ZNF560: variants seen among roughly 807,000 people sequenced by gnomAD.
ZNF560 encodes the protein zinc finger protein 560.
Under a neutral mutation model 81.8 loss-of-function variants are expected in ZNF560, and 54 were observed. The observed-to-expected ratio is 0.66, with a 90% CI of 0.53 to 0.83. The LOEUF (loss-of-function observed/expected upper bound fraction) is 0.83. Ranked by LOEUF, ZNF560 falls within the 40% of genes least tolerant of loss-of-function variation. The probability of loss-of-function intolerance (pLI) is 0.00; values close to 1 mark genes in which losing one functional copy is unlikely to be tolerated. For synonymous variants in ZNF560, 321 were observed against 317.9 expected (o/e 1.01, Z -0.10); for missense variants, 940 against 932.4 (o/e 1.01, Z -0.11).
At chr19:9,487,985 A>T (rs1428087904) in intron 2 of ZNF560, among the ~76,000 whole-genome samples, 1 of 151,934 alleles carries the variant, frequency 6.6e-6, no homozygotes, top group African/African-American at 2.4e-5. Context: ...CCCCATCACA[A>T]CTCCTGTTGA....
chr19:9,499,914 TCTCTTGATGTTG>T (rs1422224721), upstream of ZNF560, among the ~76,000 whole-genome samples: 2 of 152,220 alleles, frequency 1.3e-5, no homozygotes, highest in Non-Finnish European at 2.9e-5. Flanking sequence ...CTAATTTTCA[TCTCTTGATGTTG>T]TACTGTGCAA....
the ZNF560 span, among the ~76,000 whole-genome samples, chr19:9,450,620 C>T: frequency 7.9e-5 from 12 of 152,196 alleles, no homozygotes; most frequent in Admixed American, 2.0e-4. Flanking sequence ...GTGGCACGAT[C>T]TCGGCTCACT....
intron 5 of ZNF560, among the ~76,000 whole-genome samples, chr19:9,472,109 CA>C (rs35628783): frequency 0.56 from 73,250 of 129,938 alleles, 19,090 homozygotes; most frequent in Middle Eastern, 0.66. Flanking sequence ...GACTCCGTCT[CA>C]AAAAAAAAAA....
intron 2 of ZNF560, among the ~76,000 whole-genome samples, chr19:9,497,346 C>T (rs1053644901): frequency 1.3e-5 from 2 of 151,882 alleles, no homozygotes; most frequent in Non-Finnish European, 2.9e-5. Context: ...ACCATCCTGG[C>T]TATCACGGTG....
At chr19:9,479,787 A>C (rs748852545) in intron 2 of ZNF560, among the ~76,000 whole-genome samples, 5 of 152,172 alleles carry the variant, frequency 3.3e-5, no homozygotes, top group Non-Finnish European at 7.3e-5. Context: ...TTTAAAGTAC[A>C]TGAGAGGATG....
intron 2 of ZNF560, among the ~76,000 whole-genome samples, chr19:9,476,580 G>A (rs925703582): frequency 3.9e-5 from 6 of 152,144 alleles, no homozygotes; most frequent in African/African-American, 1.2e-4. Flanking sequence ...GTGAGCCACC[G>A]CGCCCGGCCA....
chr19:9,486,299 AG>A (rs1279364241), intron 2 of ZNF560, among the ~76,000 whole-genome samples: 1 of 152,316 alleles, frequency 6.6e-6, no homozygotes, highest in East Asian at 1.9e-4. Flanking sequence ...AACACTCGGA[AG>A]GGACAACACA....
At chr19:9,470,964 T>A (rs1229140091) in intron 6 of ZNF560, among the ~76,000 whole-genome samples, 1 of 152,196 alleles carries the variant, frequency 6.6e-6, no homozygotes, top group Non-Finnish European at 1.5e-5. Flanking sequence ...TGAGATAATT[T>A]CCAGGGTAAT....
rs776077331 is a variant in ZNF560, at chr19:9,467,823, G to C, written c.1124C>G (p.Pro375Arg). ...TTTGCCACAGTGCTTACATTTATAA[G>C]GTTTTATCCCAATGTGGGTTTGCAT... ...NHMQTHIGIKPYKCKHCGKTF... is the reference protein window; with the variant it reads ...NHMQTHIGIKRYKCKHCGKTF... The change falls in exon 10 of 10, where the codon CCT becomes CGT. Residue 375 changes from proline to arginine, a missense_variant. Physicochemically the swap from Pro to Arg is moderately radical, Grantham distance 103. Coordinates refer to ENST00000301480, the MANE Select transcript of ZNF560 (RefSeq NM_152476.3). 13 of 1,614,050 alleles carry C rather than the reference G, an allele frequency of 8.1e-6. No individual in the cohort carries two copies. Among genetic ancestry groups the C allele is most frequent in the Non-Finnish European group, 1.1e-5 (13 of 1,180,046 alleles).
At chr19:9,498,311 C>G (rs987854335) in intron 1 of ZNF560, 96 bp from the exon 2 acceptor site, 1 of 152,210 alleles carries the variant, frequency 6.6e-6, no homozygotes, top group Non-Finnish European at 1.5e-5. Flanking sequence ...CGGCTGAAAA[C>G]AGCCCTCGGA....
chr19:9,458,116 C>T, the ZNF560 span, among the ~76,000 whole-genome samples: 2 of 152,102 alleles, frequency 1.3e-5, no homozygotes, highest in Non-Finnish European at 2.9e-5. Flanking sequence ...TGGGAGAACT[C>T]GGATTGTTAA....
At chr19:9,462,906 A>C (rs2072956284), downstream of ZNF560, among the ~76,000 whole-genome samples, 1 of 152,224 alleles carries the variant, frequency 6.6e-6, no homozygotes, top group South Asian at 2.1e-4. Context: ...ATAAATTCTT[A>C]AGCCATTCAT....
chr19:9,499,592 A>G (rs2073614925), upstream of ZNF560, among the ~76,000 whole-genome samples: 1 of 152,236 alleles, frequency 6.6e-6, no homozygotes, highest in Admixed American at 6.5e-5. Context: ...ACTTTATGAA[A>G]TAACACTGAT....
intron 4 of ZNF560, among the ~76,000 whole-genome samples, chr19:9,473,476 G>T (rs1328920040): frequency 6.6e-6 from 1 of 152,028 alleles, no homozygotes; most frequent in Non-Finnish European, 1.5e-5. Context: ...TACTTGGGGG[G>T]CTGAGACAGA....
At chr19:9,486,999 C>T (rs1232619074) in intron 2 of ZNF560, among the ~76,000 whole-genome samples, 2 of 152,206 alleles carry the variant, frequency 1.3e-5, no homozygotes, top group East Asian at 1.9e-4. Flanking sequence ...TAAGTCTTTT[C>T]GTAAGCAACT....
chr19:9,501,446 C>T (rs1200948593), upstream of ZNF560, among the ~76,000 whole-genome samples: 2 of 150,182 alleles, frequency 1.3e-5, no homozygotes, highest in African/African-American at 2.5e-5. Flanking sequence ...ACAACCTCCG[C>T]CTCCCGGGTT....
In ZNF560 at chr19:9,467,013, T is replaced by C; in HGVS notation, c.1934A>G (p.Asp645Gly). The change falls in exon 10 of 10, where the codon GAT becomes GGT. Residue 645 changes from aspartate to glycine, a missense_variant. By Grantham distance (94) the Asp-to-Gly change is moderately conservative. Coordinates refer to ENST00000301480, the MANE Select transcript of ZNF560 (RefSeq NM_152476.3). The part of the protein sequence containing the change: ...KAFVVSSSLV[D>G]HLRTHTGYKP... ...ATATCCAGTGTGAGTTCTTAAATGA[T>C]CAACTAGACTGGAGGAGACAACAAA... 1 of 1,613,904 alleles carries C rather than the reference T, an allele frequency of 6.2e-7. No individual in the cohort carries two copies. Among genetic ancestry groups the C allele is most frequent in the South Asian group, 1.1e-5 (1 of 91,070 alleles).
chr19:9,469,920 C>A (rs7257034), intron 7 of ZNF560: 1 of 540,010 alleles, frequency 1.9e-6, no homozygotes, highest in Non-Finnish European at 3.3e-6. Context: ...CCCCAAGAAA[C>A]AAGCACTAGC....
chr19:9,464,801 G>A (rs953492197), downstream of ZNF560, among the ~76,000 whole-genome samples: 18 of 152,082 alleles, frequency 1.2e-4, no homozygotes, highest in Admixed American at 3.9e-4. Flanking sequence ...AATGAGCAGC[G>A]GGGTGTAAGA....
Sources: gnomAD v4.1 joint callset for allele counts (sites outside exome capture counted in the v4.1 genomes callset) on GRCh38, gnomAD v4.1.1 for gene constraint, MANE v1.5 for transcripts, NCBI Gene and HGNC (gene_info 2026-07-23, HGNC 2026-07-21) for gene names.